The following SYN2 variants were observed in gnomAD, a reference collection of about 807,000 sequenced individuals.
SYN2 encodes synapsin-2.
Under a neutral mutation model 50.9 loss-of-function variants are expected in SYN2, and 19 were observed. That is an observed-to-expected ratio of 0.37 (90% CI 0.26 to 0.55). The LOEUF is 0.55. SYN2 is among the 20% of genes least tolerant of loss of function. SYN2 has a pLI of 0.81. For synonymous variants in SYN2, 255 were observed against 224.9 expected, an observed-to-expected ratio of 1.13 and a Z score of -1.20; for missense variants, 587 against 576.4, an observed-to-expected ratio of 1.02 and a Z score of -0.19.
At chr3:12,045,341 AT>A (rs1371425603) in intron 1 of SYN2, among the ~76,000 whole-genome samples, 1 of 152,174 alleles carries the variant, frequency 6.6e-6, no homozygotes, top group African/African-American at 2.4e-5. Flanking sequence ...AGTGAAATGG[AT>A]TGTTCTTTGC....
chr3:12,035,507 A>G (rs896337086), intron 1 of SYN2, among the ~76,000 whole-genome samples: 1 of 152,242 alleles, frequency 6.6e-6, no homozygotes, highest in Admixed American at 6.5e-5. Flanking sequence ...TTGACAGCTA[A>G]TGTGTAATAC....
intron 1 of SYN2, among the ~76,000 whole-genome samples, chr3:12,122,598 A>T (rs896340247): frequency 6.6e-6 from 1 of 152,208 alleles, no homozygotes; most frequent in Non-Finnish European, 1.5e-5. Context: ...ATGGAGGACA[A>T]CAAGTTGTCC....
intron 1 of SYN2, among the ~76,000 whole-genome samples, chr3:12,104,474 A>T (rs1167306430): frequency 3.3e-5 from 5 of 151,828 alleles, no homozygotes; most frequent in African/African-American, 1.2e-4. Flanking sequence ...TGTGATTAAT[A>T]TGTATGATCT....
At chr3:12,188,326 T>C (rs1260202144) in intron 12 of SYN2, among the ~76,000 whole-genome samples, 2 of 152,224 alleles carry the variant, frequency 1.3e-5, no homozygotes, top group Non-Finnish European at 2.9e-5. Context: ...GGACAGCACC[T>C]GGATGTGGAC....
At chr3:12,055,281 T>A (rs887238047) in intron 1 of SYN2, among the ~76,000 whole-genome samples, 1 of 152,042 alleles carries the variant, frequency 6.6e-6, no homozygotes, top group Non-Finnish European at 1.5e-5. Flanking sequence ...ACTAAATAAT[T>A]AATGTAAATT....
At chr3:12,117,406 C>T (rs1696458443) in intron 1 of SYN2, among the ~76,000 whole-genome samples, 1 of 152,144 alleles carries the variant, frequency 6.6e-6, no homozygotes, top group South Asian at 2.1e-4. Context: ...CAGATTTAGT[C>T]CCTAATTGTA....
At chr3:12,065,191 C>CA (rs1245178490) in intron 1 of SYN2, among the ~76,000 whole-genome samples, 2 of 151,948 alleles carry the variant, frequency 1.3e-5, no homozygotes, top group African/African-American at 4.8e-5. Flanking sequence ...TAAGAAAAGT[C>CA]AAAAAACAAC....
At chr3:12,035,113 T>C (rs1694468744) in intron 1 of SYN2, among the ~76,000 whole-genome samples, 1 of 152,098 alleles carries the variant, frequency 6.6e-6, no homozygotes, top group African/African-American at 2.4e-5. Flanking sequence ...GAAAAAGGGG[T>C]GACAGGTCCC....
At chr3:12,159,324 A>G (rs893720418) in intron 5 of SYN2, 4 of 157,744 alleles carry the variant, frequency 2.5e-5, no homozygotes, top group African/African-American at 9.6e-5. Context: ...AGAGACAGTG[A>G]CAGAGAAGGA....
At chr3:12,091,922 T>C (rs912624249) in intron 1 of SYN2, among the ~76,000 whole-genome samples, 1 of 152,186 alleles carries the variant, frequency 6.6e-6, no homozygotes, top group Non-Finnish European at 1.5e-5. Context: ...TCTAATAACT[T>C]CTGGATTTGA....
intron 1 of SYN2, among the ~76,000 whole-genome samples, chr3:12,063,300 A>G (rs1220989393): frequency 6.6e-6 from 1 of 152,082 alleles, no homozygotes; most frequent in African/African-American, 2.4e-5. Flanking sequence ...ACAAATGTGT[A>G]AAATAACTCA....
At chr3:12,048,846 C>T (rs1694796168) in intron 1 of SYN2, among the ~76,000 whole-genome samples, 1 of 152,104 alleles carries the variant, frequency 6.6e-6, no homozygotes, top group African/African-American at 2.4e-5. Flanking sequence ...ATTCTGGACC[C>T]CTGCTGATAA....
chr3:12,167,416 G>A (rs1042763178), intron 8 of SYN2, 108 bp downstream of exon 8: 8 of 1,186,358 alleles, frequency 6.7e-6, no homozygotes, highest in Admixed American at 2.0e-5. Flanking sequence ...GGAGCAAACC[G>A]GACAGATAAA....
Position 12,140,813 on chromosome 3 carries a change from T to C in SYN2, c.435+105T>C, listed in dbSNP as rs148272817. The stretch of plus-strand genomic sequence containing the variant: ...GCTGAGTGGAATACTGTGTCCATCA[T>C]TGGGTTCTGGACTCTGCATCTCCTC... On this transcript the variant is annotated intron_variant, in intron 2 of 12. Coordinates refer to ENST00000621198, the MANE Select transcript of SYN2 (RefSeq NM_133625.6). 762 of 712,270 alleles carry C rather than the reference T, an allele frequency of 1.1e-3. 10 individuals are homozygous for C. In the East Asian group the frequency reaches 0.017, roughly 16 times the overall value. The allele number at this position is 712,270 out of a possible 1,614,324, so 44.1% of individuals were successfully genotyped here.
chr3:12,064,766 T>C (rs1294315378), intron 1 of SYN2, among the ~76,000 whole-genome samples: 1 of 152,138 alleles, frequency 6.6e-6, no homozygotes, highest in Non-Finnish European at 1.5e-5. Context: ...GGAACCCTTA[T>C]ACATGGATGG....
chr3:12,181,888 A>G (rs1322924644), intron 10 of SYN2, among the ~76,000 whole-genome samples: 2 of 152,134 alleles, frequency 1.3e-5, no homozygotes, highest in Non-Finnish European at 2.9e-5. Context: ...TGGGTATTGC[A>G]GTGTCAGGCT....
chr3:12,004,608 C>G lies in SYN2; in HGVS notation c.57C>G (p.Pro19=), dbSNP rs1375685447. The G allele has an allele frequency of 1.5e-6, 1 of 656,616 alleles. No homozygotes were observed. The highest frequency in any genetic ancestry group is 2.1e-5 in the Admixed American group (1 of 46,608). The allele number at this position is 656,616 out of a possible 1,614,324, so 40.7% of individuals were successfully genotyped here. Residue 19 remains proline (P), a synonymous_variant, in exon 1 of 13, where the codon CCC becomes CCG. Transcript: ENST00000621198. The stretch of plus-strand genomic sequence containing the variant: ...ACAGCAGCTTCATCGCCAACCTGCC[C>G]AACGGCTACATGACCGACCTGCAGC... ...LSDSSFIANL[P]NGYMTDLQRP...
chr3:12,152,858 C>G (rs1393509481), intron 5 of SYN2, among the ~76,000 whole-genome samples: 2 of 152,162 alleles, frequency 1.3e-5, no homozygotes. Context: ...TAAGTGCATT[C>G]TTATTCAAAG....
intron 1 of SYN2, among the ~76,000 whole-genome samples, chr3:12,067,793 G>T (rs1392723787): frequency 6.6e-6 from 1 of 152,142 alleles, no homozygotes; most frequent in Non-Finnish European, 1.5e-5. Flanking sequence ...GGCACGGTGG[G>T]CCCATGCCTG....
Sources: gnomAD v4.1 joint callset for allele counts (sites outside exome capture counted in the v4.1 genomes callset) on GRCh38, gnomAD v4.1.1 for gene constraint, MANE v1.5 for transcripts, NCBI Gene and HGNC (gene_info 2026-07-23, HGNC 2026-07-21) for gene names.